SLC38A4: variants seen among roughly 807,000 people sequenced by gnomAD.
SLC38A4 encodes sodium-coupled neutral amino acid transporter 4.
Under a neutral mutation model 63.1 loss-of-function variants are expected in SLC38A4, and 20 were observed. The ratio of observed to expected loss-of-function variants is 0.32; its 90% CI spans 0.22 to 0.46. The LOEUF (loss-of-function observed/expected upper bound fraction) is 0.46. Among genes scored for constraint, SLC38A4 ranks in the 20% least tolerant of loss-of-function variants. The probability of loss-of-function intolerance (pLI) is 1.00; values close to 1 mark genes in which losing one functional copy is unlikely to be tolerated. For missense variants in SLC38A4, 526 were observed against 663.6 expected (o/e 0.79, Z 2.28); for synonymous variants, 230 against 225.5 (o/e 1.02, Z -0.18).
At chr12:46,769,604 C>T (rs1938370952) in intron 14 of SLC38A4, among the ~76,000 whole-genome samples, 176 bp from the exon 15 acceptor site, 1 of 151,372 alleles carries the variant, frequency 6.6e-6, no homozygotes, top group Non-Finnish European at 1.5e-5. Flanking sequence ...TAGAATTTAC[C>T]ATCTTAACCA....
Position 46,778,745 on chromosome 12 carries a change from G to C in SLC38A4, c.749C>G (p.Pro250Arg). The C allele has an allele frequency of 6.2e-7, 1 of 1,612,514 alleles. No homozygotes were observed. Among genetic ancestry groups the C allele is most frequent in the African/African-American group, 1.3e-5 (1 of 74,882 alleles). ...VIYKKFQIPC[P>R]LPVLDHSVGN... is the part of the protein sequence containing the mutation. Reference sequence around the variant, plus strand: ...AACACTGTGATCCAAAACAGGTAGAGGGCAGGGTATTTGGAATTTCTTGTA... The same window carrying C: ...AACACTGTGATCCAAAACAGGTAGACGGCAGGGTATTTGGAATTTCTTGTA... The change falls in exon 11 of 17, where the codon CCT (proline) becomes CGT (arginine). Residue 250 changes from proline (P) to arginine (R), a missense_variant. Transcript: ENST00000266579.
At chr12:46,817,909 T>C (rs1217161756) in intron 1 of SLC38A4, among the ~76,000 whole-genome samples, 1 of 151,932 alleles carries the variant, frequency 6.6e-6, no homozygotes, top group Non-Finnish European at 1.5e-5. Context: ...AAATTATTAT[T>C]AATAAAGGTT....
At chr12:46,783,204 T>A (rs930943298) in intron 7 of SLC38A4, among the ~76,000 whole-genome samples, 2 of 150,338 alleles carry the variant, frequency 1.3e-5, no homozygotes, top group African/African-American at 4.9e-5. Flanking sequence ...ATGTAGGGTA[T>A]AGATGATGGA....
At chr12:46,826,223 C>T (rs530172592), upstream of SLC38A4, among the ~76,000 whole-genome samples, 6 of 152,200 alleles carry the variant, frequency 3.9e-5, no homozygotes, top group South Asian at 1.2e-3. Context: ...GAGCAAAGTC[C>T]CTGCCCTTAG....
rs370923929 is a variant in SLC38A4 at position 46,787,898 on chromosome 12, A to G, written c.326+18T>C. ...GCATGGACTTCATCACCAAATGTAG[A>G]CATATACATTCACTTACATAAAAAG... is the stretch of plus-strand genomic sequence containing the variant. On this transcript the variant is annotated intron_variant, in intron 5 of 16. Coordinates refer to ENST00000266579, the MANE Select transcript of SLC38A4 (RefSeq NM_018018.5). 2 of 1,565,558 alleles carry G rather than the reference A, an allele frequency of 1.3e-6. No homozygotes were observed. Among genetic ancestry groups the G allele is most frequent in the African/African-American group, 2.7e-5 (2 of 73,848 alleles).
intron 13 of SLC38A4, among the ~76,000 whole-genome samples, chr12:46,775,899 G>C (rs188117711): frequency 1.8e-3 from 278 of 151,914 alleles, no homozygotes; most frequent in Middle Eastern, 0.014. Context: ...CTCAAGATCA[G>C]ACAAAAAGGA....
intron 5 of SLC38A4, 97 bp downstream of exon 5, chr12:46,787,819 T>C: frequency 1.2e-6 from 1 of 852,096 alleles, no homozygotes; most frequent in Non-Finnish European, 1.8e-6. Flanking sequence ...CTCTGAGTCT[T>C]CACGTTCACA....
chr12:46,783,407 T>A (rs1938692041), intron 7 of SLC38A4, among the ~76,000 whole-genome samples: 1 of 152,022 alleles, frequency 6.6e-6, no homozygotes, highest in African/African-American at 2.4e-5. Flanking sequence ...TGAAGAATTT[T>A]ATGCACGACA....
intron 1 of SLC38A4, among the ~76,000 whole-genome samples, chr12:46,813,677 G>C (rs937020474): frequency 1.3e-5 from 2 of 152,016 alleles, no homozygotes; most frequent in African/African-American, 4.8e-5. Context: ...ACAGCACAGA[G>C]TCAAATAGTA....
chr12:46,794,054 T>A (rs1390053288), intron 2 of SLC38A4, among the ~76,000 whole-genome samples: 1 of 152,152 alleles, frequency 6.6e-6, no homozygotes. Context: ...TGTTGAACCA[T>A]CGTATTAGGA....
At chr12:46,797,484 C>G (rs1269845181) in intron 2 of SLC38A4, among the ~76,000 whole-genome samples, 1 of 152,120 alleles carries the variant, frequency 6.6e-6, no homozygotes, top group African/African-American at 2.4e-5. Context: ...ATACTTATAC[C>G]AGCAACATCC....
At chr12:46,789,150 CAT>C (rs1938827735) in intron 3 of SLC38A4, among the ~76,000 whole-genome samples, 1 of 151,526 alleles carries the variant, frequency 6.6e-6, no homozygotes, top group South Asian at 2.1e-4. Context: ...GGGGAGACCC[CAT>C]TCTCCCCCTG....
intron 2 of SLC38A4, among the ~76,000 whole-genome samples, chr12:46,801,400 C>T (rs1939129813): frequency 6.6e-6 from 1 of 152,006 alleles, no homozygotes; most frequent in Non-Finnish European, 1.5e-5. Flanking sequence ...CAAAACAGTC[C>T]TTGAGTCGAG....
intron 11 of SLC38A4, 42 bp downstream of exon 11, chr12:46,778,459 A>G: frequency 6.2e-7 from 1 of 1,611,100 alleles, no homozygotes; most frequent in Non-Finnish European, 8.5e-7. Flanking sequence ...AACTTAGAAA[A>G]CACATAACTG....
chr12:46,810,455 G>T (rs1253253202), intron 1 of SLC38A4, among the ~76,000 whole-genome samples: 1 of 151,522 alleles, frequency 6.6e-6, no homozygotes, highest in Non-Finnish European at 1.5e-5. Context: ...ACAGGTTGAT[G>T]GGTGCAGCAA....
In SLC38A4 at chr12:46,794,969, A is replaced by G. The variant is rs1592186591; in HGVS notation, c.-112-1786T>C. 4.6e-5 allele frequency among the ~76,000 whole-genome samples: 7 copies of G among 152,048 alleles called. 1 individual carries two copies. Among genetic ancestry groups the G allele is most frequent in the Admixed American group, 4.6e-4 (7 of 15,250 alleles). On this transcript the variant is annotated intron_variant, in intron 2 of 16. Transcript: ENST00000266579. ...TTAAAAGCTAAGAGAGAATAGAAGT[A>G]AGACATGCATATGGGTAAAAGAAAA...
chr12:46,777,412 A>T (rs1439779684), intron 12 of SLC38A4, among the ~76,000 whole-genome samples: 1 of 152,008 alleles, frequency 6.6e-6, no homozygotes, highest in Non-Finnish European at 1.5e-5. Flanking sequence ...AGTCCAGACT[A>T]CCTGAAAAGC....
chr12:46,821,036 G>C (rs554942130), intron 1 of SLC38A4, among the ~76,000 whole-genome samples: 56 of 151,716 alleles, frequency 3.7e-4, no homozygotes, highest in Non-Finnish European at 6.5e-4. Context: ...TTGTTATGTA[G>C]GTGTTCCTTA....
intron 1 of SLC38A4, among the ~76,000 whole-genome samples, chr12:46,809,680 G>A (rs763414817): frequency 6.6e-5 from 10 of 152,062 alleles, no homozygotes; most frequent in South Asian, 2.1e-4. Flanking sequence ...AAAATTGGTA[G>A]CACCAGTCTT....
Sources: allele counts gnomAD v4.1 joint callset (sites outside exome capture counted in the v4.1 genomes callset), GRCh38; gene constraint gnomAD v4.1.1; transcripts MANE v1.5; gene names NCBI Gene and HGNC (gene_info 2026-07-23, HGNC 2026-07-21).